FAM13B: variants seen among roughly 807,000 people sequenced by gnomAD.
FAM13B encodes the protein protein FAM13B.
Under a neutral mutation model 117.3 loss-of-function variants are expected in FAM13B, and 60 were observed. The ratio of observed to expected loss-of-function variants is 0.51; its 90% CI spans 0.42 to 0.63. The LOEUF is 0.63. Among genes scored for constraint, FAM13B ranks in the 30% least tolerant of loss-of-function variants. FAM13B has a pLI of 0.00. For synonymous variants in FAM13B, 332 were observed against 356.1 expected (o/e 0.93, Z 0.76); for missense variants, 972 against 1,091.9 (o/e 0.89, Z 1.55).
intron 10 of FAM13B, among the ~76,000 whole-genome samples, chr5:137,970,759 G>T (rs1771851477): frequency 1.3e-5 from 2 of 152,114 alleles, no homozygotes; most frequent in South Asian, 4.1e-4. Context: ...TAAAAGGATG[G>T]AGGAAGATCT....
upstream of FAM13B, among the ~76,000 whole-genome samples, chr5:138,035,026 T>C (rs1791000140): frequency 8.1e-6 from 1 of 123,830 alleles, no homozygotes; most frequent in Non-Finnish European, 1.7e-5. Flanking sequence ...TTTTTTTTTT[T>C]TGGTGAGACA....
intron 10 of FAM13B, among the ~76,000 whole-genome samples, chr5:137,978,157 G>A (rs1774574047): frequency 6.6e-6 from 1 of 151,400 alleles, no homozygotes; most frequent in Admixed American, 6.6e-5. Flanking sequence ...TATATCCTAT[G>A]ATATGGATAT....
chr5:137,945,847 G>C, intron 20 of FAM13B, 55 bp downstream of exon 20: 1 of 1,290,302 alleles, frequency 7.8e-7, no homozygotes, highest in South Asian at 1.3e-5. Context: ...AATTTTTTTT[G>C]GGAAGAGTAC....
At chr5:138,017,630 G>C (rs984889902) in intron 4 of FAM13B, among the ~76,000 whole-genome samples, 1 of 152,076 alleles carries the variant, frequency 6.6e-6, no homozygotes, top group Admixed American at 6.6e-5. Context: ...TTTGGCTCTA[G>C]GAACAGAAGC....
chr5:137,966,571 C>A (rs1164405801), intron 10 of FAM13B, among the ~76,000 whole-genome samples: 4 of 130,722 alleles, frequency 3.1e-5, no homozygotes, highest in Non-Finnish European at 6.4e-5. Context: ...AGAAAACAAT[C>A]CAATTTAAAA....
intron 14 of FAM13B, chr5:137,954,619 A>AT (rs34174978): frequency 2.3e-3 from 393 of 170,552 alleles, no homozygotes; most frequent in Middle Eastern, 4.8e-3. Context: ...CCAGAGTTCA[A>AT]TTTTTTTTTT....
chr5:138,033,551 C>G (rs1790744758), upstream of FAM13B, among the ~76,000 whole-genome samples: 1 of 152,150 alleles, frequency 6.6e-6, no homozygotes, highest in Non-Finnish European at 1.5e-5. Context: ...CCGCCCCCAC[C>G]CTACCCCTTC....
intron 1 of FAM13B, among the ~76,000 whole-genome samples, chr5:138,050,123 G>A (rs879504483): frequency 7.2e-5 from 11 of 151,888 alleles, no homozygotes; most frequent in Admixed American, 7.2e-4. Context: ...GAGTGACAGA[G>A]TGGAGACCCT....
chr5:138,003,844 T>G (rs925485541), intron 7 of FAM13B, among the ~76,000 whole-genome samples: 1 of 152,242 alleles, frequency 6.6e-6, no homozygotes, highest in Non-Finnish European at 1.5e-5. Context: ...TCTGTGTTTC[T>G]AAATTTCACA....
intron 10 of FAM13B, among the ~76,000 whole-genome samples, chr5:137,981,692 A>G (rs1775799671): frequency 6.6e-6 from 1 of 151,974 alleles, no homozygotes; most frequent in Admixed American, 6.5e-5. Flanking sequence ...AGGCTGAGGC[A>G]GGAGAATGGC....
At chr5:138,013,425 CAGG>C (rs1184070191) in intron 4 of FAM13B, among the ~76,000 whole-genome samples, 2 of 149,138 alleles carry the variant, frequency 1.3e-5, no homozygotes, top group Non-Finnish European at 3.0e-5. Context: ...GGCGTGAACC[CAGG>C]AGGCAGAGCT....
At chr5:137,977,905 G>A (rs1041748420) in intron 10 of FAM13B, among the ~76,000 whole-genome samples, 3 of 152,138 alleles carry the variant, frequency 2.0e-5, no homozygotes, top group Non-Finnish European at 4.4e-5. Flanking sequence ...GACATATGAA[G>A]AAAAGTAAAA....
At chr5:137,951,412 C>T (rs376905014) in intron 17 of FAM13B, among the ~76,000 whole-genome samples, 2 of 152,196 alleles carry the variant, frequency 1.3e-5, no homozygotes, top group African/African-American at 4.8e-5. Flanking sequence ...AATCCCCACA[C>T]TTTGCAAGAC....
intron 10 of FAM13B, among the ~76,000 whole-genome samples, chr5:137,968,644 C>T (rs150508536): frequency 0.011 from 1,731 of 152,190 alleles, 28 homozygotes; most frequent in African/African-American, 0.04. Flanking sequence ...GTCTACAGCT[C>T]CCAGCGTGAG....
At chr5:137,953,667 T>C (rs566069544) in intron 15 of FAM13B, among the ~76,000 whole-genome samples, 20 of 152,270 alleles carry the variant, frequency 1.3e-4, no homozygotes. Flanking sequence ...ATGAAAACAG[T>C]TTGGAATCAT....
At chr5:137,992,968 A>G (rs967595038) in intron 7 of FAM13B, among the ~76,000 whole-genome samples, 5 of 145,650 alleles carry the variant, frequency 3.4e-5, no homozygotes, top group African/African-American at 1.3e-4. Flanking sequence ...AGCAAAATGG[A>G]TAATTGTGGT....
intron 1 of FAM13B, among the ~76,000 whole-genome samples, chr5:138,040,974 G>A (rs1198154111): frequency 6.7e-6 from 1 of 148,542 alleles, no homozygotes; most frequent in Non-Finnish European, 1.5e-5. Flanking sequence ...TAAGGCAGGA[G>A]AATCACTTGA....
At position 137,939,893 on chromosome 5, in the gene FAM13B, G is replaced by C; in HGVS notation, c.*332C>G. ...AACAAAAAGTTGGTAATAACAAAAA[G>C]CTTGCATTTCCAAAGTTCTTGAAGT... On this transcript the variant is annotated 3_prime_UTR_variant, in exon 24 of 24. Transcript: ENST00000689681. 1 of 1,338,968 alleles carries C rather than the reference G, an allele frequency of 7.5e-7. No homozygotes were observed. The highest frequency in any genetic ancestry group is 2.2e-5 in the South Asian group (1 of 44,594). The allele number at this position is 1,338,968 out of a possible 1,614,324, so 82.9% of individuals were successfully genotyped here.
At chr5:138,036,681 T>C (rs1229504188), upstream of FAM13B, 4 of 415,920 alleles carry the variant, frequency 9.6e-6, no homozygotes, top group East Asian at 2.8e-4. Flanking sequence ...CTGCTTTGTC[T>C]AAATCCTCTG....
Sources: allele counts gnomAD v4.1 joint callset (sites outside exome capture counted in the v4.1 genomes callset), GRCh38; gene constraint gnomAD v4.1.1; transcripts MANE v1.5; gene names NCBI Gene and HGNC (gene_info 2026-07-23, HGNC 2026-07-21).